The following NFIC variants were observed in gnomAD, a reference collection of about 807,000 sequenced individuals.
NFIC encodes the protein nuclear factor 1 C-type.
Under a neutral mutation model 54.4 loss-of-function variants are expected in NFIC, and 12 were observed. That is an observed-to-expected ratio of 0.22 (90% confidence interval 0.14 to 0.36). The LOEUF (loss-of-function observed/expected upper bound fraction) is 0.36. NFIC is among the 10% of genes least tolerant of loss of function. The probability of loss-of-function intolerance (pLI) is 1.00; values close to 1 mark genes in which losing one functional copy is unlikely to be tolerated. For missense variants in NFIC, 575 were observed against 718.2 expected (o/e 0.80, Z 2.28); for synonymous variants, 322 against 319.2 (o/e 1.01, Z -0.09).
At chr19:3,390,552 A>G (rs529646129) in intron 2 of NFIC, among the ~76,000 whole-genome samples, 20 of 152,314 alleles carry the variant, frequency 1.3e-4, no homozygotes, top group African/African-American at 4.1e-4. Flanking sequence ...TGTGGGCCTC[A>G]GTTTCCTCCC....
rs1568211413 is a variant in NFIC at position 3,467,766 on chromosome 19, T to TATATATATATATATATATATATATAC, written c.*5020_*5021insTACATATATATATATATATATATATA. ...TGTAGGGCTATACTATACATATATA[T>TATATATATATATATATATATATATAC]ATATATATATATATATATATATAAT... On this transcript the variant is annotated 3_prime_UTR_variant, in exon 11 of 11. Transcript: ENST00000443272. 7.9e-5 allele frequency: 10 copies of TATATATATATATATATATATATATAC among 126,406 alleles called. No homozygotes were observed. Among genetic ancestry groups the TATATATATATATATATATATATATAC allele is most frequent in the Non-Finnish European group, 1.1e-4 (7 of 62,608 alleles). The allele number at this position is 126,406 out of a possible 1,614,324, so 7.8% of individuals were successfully genotyped here. A position where few individuals can be genotyped will look rare whatever the true frequency, so the allele number is the denominator to read the frequency against.
chr19:3,407,365 G>A (rs984907651), intron 2 of NFIC, among the ~76,000 whole-genome samples: 5 of 151,802 alleles, frequency 3.3e-5, no homozygotes, highest in African/African-American at 9.7e-5. Context: ...CACCCGCCTC[G>A]GCCTCCCAAA....
In NFIC at chr19:3,463,573, TCGCGCCCGCCCG is replaced by T; in HGVS notation, c.*805_*816del. ...GTCTCGCTGGGGACTCTTTCAGCCC[TCGCGCCCGCCCG>T]TTTGGGAGGAGAAGTCTCTATGCAA... On this transcript the variant is annotated 3_prime_UTR_variant, in exon 11 of 11. Coordinates refer to ENST00000443272, the MANE Select transcript of NFIC (RefSeq NM_001245002.2). The T allele has an allele frequency of 3.1e-6, 3 of 982,668 alleles. No individual in the cohort carries two copies. The highest frequency in any genetic ancestry group is 2.4e-6 in the Non-Finnish European group (2 of 829,178). 60.9% of individuals were successfully genotyped at this position (982,668 alleles called of 1,614,324 possible). A position where few individuals can be genotyped will look rare whatever the true frequency, so the allele number is the denominator to read the frequency against.
intron 7 of NFIC, among the ~76,000 whole-genome samples, chr19:3,450,237 T>C (rs536506306): frequency 2.6e-5 from 4 of 151,098 alleles, no homozygotes; most frequent in African/African-American, 9.8e-5. Flanking sequence ...CCCAGCTACT[T>C]GGGAGGCTGA....
intron 1 of NFIC, among the ~76,000 whole-genome samples, chr19:3,377,653 C>T (rs189953164): frequency 3.9e-4 from 59 of 152,084 alleles, no homozygotes; most frequent in South Asian, 6.2e-4. Context: ...ACTCTATCCC[C>T]CAGGCTGGAG....
At chr19:3,445,454 G>C (rs1157194679) in intron 6 of NFIC, among the ~76,000 whole-genome samples, 2 of 152,184 alleles carry the variant, frequency 1.3e-5, no homozygotes, top group Non-Finnish European at 2.9e-5. Context: ...CACAGGCTGG[G>C]CATGAGTGGA....
At chr19:3,386,757 C>A (rs886075794) in intron 2 of NFIC, among the ~76,000 whole-genome samples, 1 of 152,210 alleles carries the variant, frequency 6.6e-6, no homozygotes, top group Non-Finnish European at 1.5e-5. Context: ...GTCCTTGACA[C>A]CTGCCTCATC....
intron 1 of NFIC, among the ~76,000 whole-genome samples, chr19:3,376,144 C>G (rs1474862070): frequency 6.6e-6 from 1 of 152,082 alleles, no homozygotes; most frequent in African/African-American, 2.4e-5. Flanking sequence ...AAATGATCAT[C>G]GCAGCAATCG....
At chr19:3,366,762 C>G (rs1219360230) in intron 1 of NFIC, 96 bp downstream of exon 1, 1 of 881,230 alleles carries the variant, frequency 1.1e-6, no homozygotes, top group South Asian at 2.4e-5. Context: ...GAAAAAGGCG[C>G]GCGTCCCTCC....
intron 3 of NFIC, 76 bp from the exon 4 acceptor site, chr19:3,433,442 T>C: frequency 1.3e-6 from 2 of 1,507,554 alleles, no homozygotes; most frequent in Non-Finnish European, 1.8e-6. Flanking sequence ...CCCCCAGGAG[T>C]CCAGGCAGCC....
chr19:3,425,420 A>T (rs527891965), intron 3 of NFIC, among the ~76,000 whole-genome samples: 1 of 152,176 alleles, frequency 6.6e-6, no homozygotes, highest in African/African-American at 2.4e-5. Context: ...CTACGGTCCC[A>T]TGGGACGTTT....
At position 3,422,482 on chromosome 19, in the gene NFIC, C is replaced by G. The variant is rs373488234; in HGVS notation, c.563-2624C>G. Among the ~76,000 whole-genome samples, 47 of 151,482 alleles carry G rather than the reference C, an allele frequency of 3.1e-4. No individual in the cohort carries two copies. The East Asian group carries it at 8.7e-3, about 28-fold the overall frequency. ...CCTGTAATCCCAGCACTTTGGGAGG[C>G]CGAGGCGGGCGGATCACCAGGTCAG... On this transcript the variant is annotated intron_variant, in intron 2 of 10. Coordinates refer to ENST00000443272, the MANE Select transcript of NFIC (RefSeq NM_001245002.2).
At chr19:3,405,590 A>ATTTATTT (rs1555747669) in intron 2 of NFIC, among the ~76,000 whole-genome samples, 1 of 151,316 alleles carries the variant, frequency 6.6e-6, no homozygotes, top group African/African-American at 2.4e-5. Context: ...TATTTAATTT[A>ATTTATTT]ATTTATTTAT....
chr19:3,402,498 A>G (rs548491208), intron 2 of NFIC, among the ~76,000 whole-genome samples: 2 of 152,324 alleles, frequency 1.3e-5, no homozygotes, highest in Admixed American at 1.3e-4. Flanking sequence ...TATTCTAGCC[A>G]CTGAGGGCAC....
At chr19:3,456,458 C>T (rs978116025) in intron 9 of NFIC, 92 bp from the exon 10 acceptor site, 23 of 1,245,332 alleles carry the variant, frequency 1.8e-5, no homozygotes, top group African/African-American at 9.0e-5. Context: ...GGCTGTGTGA[C>T]GCCTGGCGGT....
chr19:3,461,396 C>T (rs1180754783), intron 10 of NFIC, among the ~76,000 whole-genome samples: 1 of 152,142 alleles, frequency 6.6e-6, no homozygotes, highest in Non-Finnish European at 1.5e-5. Context: ...GCACTCCAGC[C>T]TGGGCAACGG....
chr19:3,452,644 C>A lies in NFIC; in HGVS notation c.1247C>A (p.Pro416Gln). ...GATCTTGTCTCGCTGGCCTGCGACC[C>A]AGCCAGCCAGCAACCTGGACCGGTG... Reference protein sequence around the residue: ...LKDLVSLACDPASQQPGPLNG... With the variant: ...LKDLVSLACDQASQQPGPLNG... Residue 416 changes from proline (P) to glutamine (Q), a missense_variant, in exon 8 of 11, where the codon CCA becomes CAA. Pro to Gln is a moderately conservative substitution (Grantham distance 76). Transcript: ENST00000443272. This position sits in a 1 kb window ranked among gnomAD's most constrained non-coding sequence, Gnocchi z 5.3. 1.2e-6 allele frequency: 2 copies of A among 1,609,474 alleles called. No homozygotes were observed. The highest frequency in any genetic ancestry group is 1.7e-6 in the Non-Finnish European group (2 of 1,178,010).
chr19:3,456,745 C>G, intron 10 of NFIC, 110 bp downstream of exon 10: 2 of 1,083,296 alleles, frequency 1.8e-6, no homozygotes, highest in Non-Finnish European at 2.7e-6. Context: ...ACCCCTGGCA[C>G]AGGGGCGCCA....
rs769583713 is a variant in NFIC, at chr19:3,366,609, C to T, written c.-28C>T. 1 of 1,474,630 alleles carries T rather than the reference C, an allele frequency of 6.8e-7. No homozygotes were observed. Among genetic ancestry groups the T allele is most frequent in the South Asian group, 1.3e-5 (1 of 76,814 alleles). The allele number at this position is 1,474,630 out of a possible 1,614,324, so 91.3% of individuals were successfully genotyped here. On this transcript the variant is annotated 5_prime_UTR_variant, in exon 1 of 11. Coordinates refer to ENST00000443272, the MANE Select transcript of NFIC (RefSeq NM_001245002.2). ...GTAAGTTCAGCGCGCCCGCTCCGGC[C>T]GGCCCTGCGCCTCCCGCCGCGCCCG...
Sources: allele counts gnomAD v4.1 joint callset (sites outside exome capture counted in the v4.1 genomes callset), GRCh38; gene constraint gnomAD v4.1.1; non-coding constraint Gnocchi (gnomAD v3.1); transcripts MANE v1.5; gene names NCBI Gene and HGNC (gene_info 2026-07-23, HGNC 2026-07-21).